The following UBE2E2 variants were observed in gnomAD, a reference collection of about 807,000 sequenced individuals.
The protein encoded by UBE2E2 is ubiquitin conjugating enzyme E2 E2, also known as ubiquitin-conjugating enzyme E2 E2.
In UBE2E2, 6 loss-of-function variants were observed where a neutral mutation model predicts 24.7. The observed-to-expected ratio is 0.24, with a 90% CI of 0.13 to 0.48. The LOEUF (loss-of-function observed/expected upper bound fraction) is 0.48. UBE2E2 is among the 20% of genes least tolerant of loss of function. The pLI is 0.99. For missense variants in UBE2E2, 169 were observed against 245.0 expected (o/e 0.69, Z 2.07); for synonymous variants, 104 against 83.6 (o/e 1.24, Z -1.33).
chr3:23,553,238 C>T lies in UBE2E2; in HGVS notation c.508+20537C>T, dbSNP rs114034325. ...TTCCCTTTTATAGTATGATAGAAAC[C>T]TTTGGTCACACTTTAATAAAACAAA... On this transcript the variant is annotated intron_variant, in intron 5 of 5. Transcript: ENST00000396703. Among the ~76,000 whole-genome samples, 1,469 of 152,024 alleles carry T rather than the reference C, an allele frequency of 9.7e-3. 31 individuals are homozygous for T. Among genetic ancestry groups the T allele is most frequent in the African/African-American group, 0.034 (1,412 of 41,492 alleles).
chr3:23,410,948 T>C (rs1697482268), intron 3 of UBE2E2, among the ~76,000 whole-genome samples: 1 of 152,110 alleles, frequency 6.6e-6, no homozygotes, highest in African/African-American at 2.4e-5. Context: ...ACTTTTTCCC[T>C]TTTTTTCTCA....
At chr3:23,408,138 A>G (rs990240680) in intron 3 of UBE2E2, among the ~76,000 whole-genome samples, 3 of 152,200 alleles carry the variant, frequency 2.0e-5, no homozygotes, top group Non-Finnish European at 2.9e-5. Flanking sequence ...TAGTAAGCCA[A>G]AGCCATTTAG....
chr3:23,566,820 A>C lies in UBE2E2; in HGVS notation c.509-22914A>C, dbSNP rs191677249. On this transcript the variant is annotated intron_variant, in intron 5 of 5. Coordinates refer to ENST00000396703, the MANE Select transcript of UBE2E2 (RefSeq NM_152653.4). The stretch of plus-strand genomic sequence containing the variant: ...CATGTCAGCAGATTTGGAGGGGACA[A>C]ATACCCAAACCATATCAAGAAAGTA... Among the ~76,000 whole-genome samples, 3 of 152,286 alleles carry C rather than the reference A, an allele frequency of 2.0e-5. No homozygotes were observed. The East Asian group carries it at 5.8e-4, about 29-fold the overall frequency.
At chr3:23,329,687 G>T (rs1695008399) in intron 3 of UBE2E2, among the ~76,000 whole-genome samples, 2 of 152,194 alleles carry the variant, frequency 1.3e-5, no homozygotes, top group Non-Finnish European at 2.9e-5. Context: ...CTGATTGTTG[G>T]CTAGGAAGTC....
At position 23,532,658 on chromosome 3, in the gene UBE2E2, A is replaced by G. The variant is rs540526232; in HGVS notation, c.465A>G (p.Lys155=). The change falls in exon 5 of 6, where the codon AAA becomes AAG. Residue 155 remains lysine (K), a synonymous_variant. Transcript: ENST00000396703. ...GGAGTCCGGCTTTAACTATTTCTAA[A>G]GTTCTCCTCTCCATCTGCTCACTTC... The part of the protein sequence containing the change: ...DNWSPALTIS[K]VLLSICSLLT... 1.3e-6 allele frequency: 2 copies of G among 1,569,268 alleles called. No individual in the cohort carries two copies. Among genetic ancestry groups the G allele is most frequent in the Admixed American group, 1.7e-5 (1 of 59,810 alleles).
At chr3:23,469,346 G>C (rs1405196849) in intron 3 of UBE2E2, among the ~76,000 whole-genome samples, 1 of 152,144 alleles carries the variant, frequency 6.6e-6, no homozygotes, top group African/African-American at 2.4e-5. Flanking sequence ...GATAAAGAAT[G>C]GATATTGTTC....
At chr3:23,222,838 G>T (rs1355871068) in intron 3 of UBE2E2, among the ~76,000 whole-genome samples, 1 of 137,026 alleles carries the variant, frequency 7.3e-6, no homozygotes, top group Non-Finnish European at 1.7e-5. Context: ...CCCAACAACA[G>T]TGTACGAGCC....
At chr3:23,586,413 G>A (rs1447813893) in intron 5 of UBE2E2, among the ~76,000 whole-genome samples, 1 of 152,048 alleles carries the variant, frequency 6.6e-6, no homozygotes, top group African/African-American at 2.4e-5. Flanking sequence ...TCCCACCTCA[G>A]CCTCTCAAGT....
At chr3:23,546,182 T>C (rs1011019096) in intron 5 of UBE2E2, among the ~76,000 whole-genome samples, 4 of 152,310 alleles carry the variant, frequency 2.6e-5, no homozygotes, top group African/African-American at 9.6e-5. Context: ...TTTTTAAAAA[T>C]TTTTCAAAGA....
At chr3:23,540,072 T>A (rs755711789) in intron 5 of UBE2E2, among the ~76,000 whole-genome samples, 5 of 152,176 alleles carry the variant, frequency 3.3e-5, no homozygotes, top group Non-Finnish European at 5.9e-5. Flanking sequence ...TATTTATTTA[T>A]TTATTTTTAG....
intron 3 of UBE2E2, among the ~76,000 whole-genome samples, chr3:23,390,198 G>A (rs994637835): frequency 6.6e-6 from 1 of 152,106 alleles, no homozygotes; most frequent in African/African-American, 2.4e-5. Flanking sequence ...CCTGGAAACC[G>A]AGGCCCTGAA....
intron 3 of UBE2E2, among the ~76,000 whole-genome samples, chr3:23,482,587 G>A (rs1699280636): frequency 6.6e-6 from 1 of 152,098 alleles, no homozygotes; most frequent in Non-Finnish European, 1.5e-5. Context: ...AACCTTTGCT[G>A]ATGGACTAAA....
intron 3 of UBE2E2, among the ~76,000 whole-genome samples, chr3:23,289,090 G>C (rs9849176): frequency 0.28 from 42,545 of 152,078 alleles, 7,428 homozygotes; most frequent in Admixed American, 0.48. Context: ...CAAATGTGAT[G>C]TTCCTGCAGG....
chr3:23,411,444 A>G (rs1250049681), intron 3 of UBE2E2, among the ~76,000 whole-genome samples: 1 of 152,042 alleles, frequency 6.6e-6, no homozygotes, highest in East Asian at 1.9e-4. Flanking sequence ...TGACAAGTAA[A>G]ATGAAACTCC....
chr3:23,401,551 A>C (rs1044486968), intron 3 of UBE2E2, among the ~76,000 whole-genome samples: 10 of 152,116 alleles, frequency 6.6e-5, no homozygotes, highest in African/African-American at 2.4e-4. Flanking sequence ...CTGTGCTCCC[A>C]ACTTACTATG....
rs1696502217 is a variant in UBE2E2, at chr3:23,217,301, T to C, written c.216T>C (p.Pro72=). The C allele has an allele frequency of 6.2e-7, 1 of 1,612,660 alleles. No individual in the cohort carries two copies. Among genetic ancestry groups the C allele is most frequent in the Admixed American group, 1.7e-5 (1 of 59,894 alleles). The change falls in exon 3 of 6, where the codon CCT becomes CCC. Residue 72 remains proline, a synonymous_variant. Coordinates refer to ENST00000396703, the MANE Select transcript of UBE2E2 (RefSeq NM_152653.4). ...KELAEITLDP[P]PNCSAGPKGD... ...TTGCAGAAATCACATTGGACCCTCCTCCCAACTGTAGGTAAGTACTCATGG... is the reference window on the plus strand; with the variant it reads ...TTGCAGAAATCACATTGGACCCTCCCCCCAACTGTAGGTAAGTACTCATGG...
chr3:23,312,088 C>CGT (rs1431097439), intron 3 of UBE2E2, among the ~76,000 whole-genome samples: 1 of 151,782 alleles, frequency 6.6e-6, no homozygotes, highest in African/African-American at 2.4e-5. Context: ...TGTAGCACCT[C>CGT]CCTCCTCTCT....
chr3:23,354,697 T>A (rs1466753750), intron 3 of UBE2E2, among the ~76,000 whole-genome samples: 1 of 152,174 alleles, frequency 6.6e-6, no homozygotes, highest in Non-Finnish European at 1.5e-5. Flanking sequence ...TCACACCAGT[T>A]AGAATGGCAA....
At chr3:23,507,744 A>G (rs1318418877) in intron 4 of UBE2E2, among the ~76,000 whole-genome samples, 15 of 152,212 alleles carry the variant, frequency 9.9e-5, no homozygotes, top group Non-Finnish European at 2.9e-5. Context: ...TGAATTAATT[A>G]TATCACATTA....
Sources: gnomAD v4.1 joint callset for allele counts (sites outside exome capture counted in the v4.1 genomes callset) on GRCh38, gnomAD v4.1.1 for gene constraint, MANE v1.5 for transcripts, NCBI Gene and HGNC (gene_info 2026-07-23, HGNC 2026-07-21) for gene names.